Variants in DTWD1 observed in about 807,000 individuals in gnomAD.
DTWD1 encodes the protein tRNA-uridine aminocarboxypropyltransferase 1.
Under a neutral mutation model 30.2 loss-of-function variants are expected in DTWD1, and 27 were observed. That is an observed-to-expected ratio of 0.90 (90% confidence interval 0.66 to 1.23). The LOEUF (loss-of-function observed/expected upper bound fraction) is 1.23. Among genes scored for constraint, DTWD1 ranks in the 50% most tolerant of loss-of-function variants. DTWD1 has a pLI of 0.00. For missense variants in DTWD1, 342 were observed against 348.8 expected (o/e 0.98, Z 0.15); for synonymous variants, 99 against 113.1 (o/e 0.88, Z 0.79).
At chr15:49,622,310 T>C (rs989145564) in intron 1 of DTWD1, among the ~76,000 whole-genome samples, 11 of 152,258 alleles carry the variant, frequency 7.2e-5, no homozygotes, top group South Asian at 6.2e-4. Flanking sequence ...GAACTAATAA[T>C]AAGTACTCAA....
In DTWD1 at chr15:49,646,923, T is replaced by G. The variant is rs750142563; in HGVS notation, c.*3345T>G. ...CTTTTTCTAGGGAAGTCAGGTGTTT[T>G]AGTCTGGATTTAGTTAGAAAAGCAG... On this transcript the variant is annotated 3_prime_UTR_variant, in exon 5 of 5. Coordinates refer to ENST00000403028, the MANE Select transcript of DTWD1 (RefSeq NM_001144955.2). The G allele has an allele frequency of 1.3e-5, 2 of 152,180 alleles. No homozygotes were observed. The highest frequency in any genetic ancestry group is 2.9e-5 in the Non-Finnish European group (2 of 68,026). 9.4% of individuals were successfully genotyped at this position (152,180 alleles called of 1,614,324 possible).
In DTWD1 at chr15:49,651,901, T is replaced by C. The variant is rs2079154428; in HGVS notation, c.*8323T>C. ...CACCACTTGGAATTTGTCAGCTTGA[T>C]AGAACATTGGAACAACCTGCTGAAG... is the stretch of plus-strand genomic sequence containing the variant. On this transcript the variant is annotated 3_prime_UTR_variant, in exon 5 of 5. Coordinates refer to ENST00000403028, the MANE Select transcript of DTWD1 (RefSeq NM_001144955.2). 6.6e-6 allele frequency: 1 copy of C among 152,102 alleles called. No individual in the cohort carries two copies. The highest frequency in any genetic ancestry group is 1.5e-5 in the Non-Finnish European group (1 of 68,010). 9.4% of individuals were successfully genotyped at this position (152,102 alleles called of 1,614,324 possible). A position where few individuals can be genotyped will look rare whatever the true frequency, so the allele number is the denominator to read the frequency against.
Position 49,655,853 on chromosome 15 carries a change from A to G in DTWD1, c.*12275A>G, listed in dbSNP as rs2079174164. ...TACTTCAAGAGTATTCTAGGTATGC[A>G]CTAAGTTTATGGGAAGATATGCCAT... On this transcript the variant is annotated 3_prime_UTR_variant, in exon 5 of 5. Coordinates refer to ENST00000403028, the MANE Select transcript of DTWD1 (RefSeq NM_001144955.2). 2 of 152,062 alleles carry G rather than the reference A, an allele frequency of 1.3e-5. No individual in the cohort carries two copies. The highest frequency in any genetic ancestry group is 4.1e-4 in the South Asian group (2 of 4,830). The allele number at this position is 152,062 out of a possible 1,614,324, so 9.4% of individuals were successfully genotyped here. A position where few individuals can be genotyped will look rare whatever the true frequency, so the allele number is the denominator to read the frequency against.
Position 49,653,444 on chromosome 15 carries a change from G to A in DTWD1, c.*9866G>A, listed in dbSNP as rs2079163658. 1 of 152,130 alleles carries A rather than the reference G, an allele frequency of 6.6e-6. No individual in the cohort carries two copies. Among genetic ancestry groups the A allele is most frequent in the Admixed American group, 6.6e-5 (1 of 15,262 alleles). The allele number at this position is 152,130 out of a possible 1,614,324, so 9.4% of individuals were successfully genotyped here. ...CAGCTAACATCTTGATTTTAGATCA[G>A]TGAGATTTTTGTGTTGGACTTCTAC... On this transcript the variant is annotated 3_prime_UTR_variant, in exon 5 of 5. Transcript: ENST00000403028.
chr15:49,628,818 G>A lies in DTWD1; in HGVS notation c.265-3341G>A, dbSNP rs868582725. 3.3e-5 allele frequency among the ~76,000 whole-genome samples: 5 copies of A among 151,574 alleles called. No individual in the cohort carries two copies. The South Asian group carries it at 6.3e-4, about 19-fold the overall frequency. On this transcript the variant is annotated intron_variant, in intron 2 of 4. Coordinates refer to ENST00000403028, the MANE Select transcript of DTWD1 (RefSeq NM_001144955.2). ...ACGAAGCCTCAGAGCAAATGTTTTT[G>A]TAGCTTGTAAAAAAGCAAATTTTTT...
chr15:49,624,453 A>G (rs1015810558), intron 1 of DTWD1, among the ~76,000 whole-genome samples: 2 of 152,208 alleles, frequency 1.3e-5, no homozygotes, highest in African/African-American at 2.4e-5. Flanking sequence ...ATTTTTCTCT[A>G]GTACTAAAGA....
intron 3 of DTWD1, among the ~76,000 whole-genome samples, chr15:49,633,948 ATATACT>A (rs1381643981): frequency 6.6e-6 from 1 of 152,168 alleles, no homozygotes; most frequent in Admixed American, 6.5e-5. Context: ...ACTGTAATAA[ATATACT>A]TAGATATTGT....
chr15:49,631,925 C>T, intron 2 of DTWD1: 5 of 492,568 alleles, frequency 1.0e-5, no homozygotes, highest in Non-Finnish European at 1.5e-5. Flanking sequence ...AGAAGATTCT[C>T]TGTTAAATGA....
intron 1 of DTWD1, among the ~76,000 whole-genome samples, chr15:49,623,323 A>T (rs1013141387): frequency 1.3e-5 from 2 of 152,214 alleles, no homozygotes; most frequent in African/African-American, 4.8e-5. Flanking sequence ...GGACAAACCC[A>T]AAGAGAGTTT....
chr15:49,632,287 A>G lies in DTWD1; in HGVS notation c.393A>G (p.Glu131=), dbSNP rs772056829. ...IYTYPCIPEY[E]EKDHEVALIF... is the part of the protein sequence containing the mutation. Reference sequence around the variant, plus strand: ...CGTATCCGTGTATTCCAGAATATGAAGAAAAGGACCATGAAGTAGGCAACT... The same window carrying G: ...CGTATCCGTGTATTCCAGAATATGAGGAAAAGGACCATGAAGTAGGCAACT... The change falls in exon 3 of 5, where the codon GAA becomes GAG. Residue 131 remains glutamate (E), a synonymous_variant. Coordinates refer to ENST00000403028, the MANE Select transcript of DTWD1 (RefSeq NM_001144955.2). The G allele has an allele frequency of 2.5e-6, 4 of 1,580,542 alleles. No individual in the cohort carries two copies. Among genetic ancestry groups the G allele is most frequent in the Non-Finnish European group, 2.6e-6 (3 of 1,172,224 alleles).
At chr15:49,633,043 C>CTATCTA (rs1555588572) in intron 3 of DTWD1, among the ~76,000 whole-genome samples, 10 of 129,520 alleles carry the variant, frequency 7.7e-5, no homozygotes, top group South Asian at 2.5e-4. Flanking sequence ...CTATTTATAT[C>CTATCTA]TATATCTATA....
chr15:49,622,015 T>C (rs886434539), intron 1 of DTWD1, among the ~76,000 whole-genome samples: 2 of 152,112 alleles, frequency 1.3e-5, no homozygotes, highest in Non-Finnish European at 2.9e-5. Context: ...CTTTTTGTTA[T>C]TATTTTGGAG....
At chr15:49,623,274 CCTCAAAATGTTT>C (rs2078793046) in intron 1 of DTWD1, among the ~76,000 whole-genome samples, 1 of 152,128 alleles carries the variant, frequency 6.6e-6, no homozygotes, top group African/African-American at 2.4e-5. Context: ...ACTATTAAAG[CCTCAAAATGTTT>C]CTCTGTAAGA....
intron 2 of DTWD1, among the ~76,000 whole-genome samples, chr15:49,627,209 C>G (rs149342881): frequency 6.6e-6 from 1 of 152,270 alleles, no homozygotes; most frequent in African/African-American, 2.4e-5. Context: ...TTGATCATCT[C>G]TCAATGGTCT....
intron 4 of DTWD1, among the ~76,000 whole-genome samples, chr15:49,641,436 A>AT (rs2079063381): frequency 6.6e-6 from 1 of 152,096 alleles, no homozygotes; most frequent in Admixed American, 6.6e-5. Context: ...CTCCTGGTTC[A>AT]CATTGTTATT....
chr15:49,643,578 G>A lies in DTWD1; in HGVS notation c.915G>A (p.Ter305=). Residue 305 remains the stop codon, a stop_retained_variant, in exon 5 of 5, where the codon TAG becomes TAA. Transcript: ENST00000403028. ...AGGAAACAGGAAAACTTACACATTAGTTTTTAACAAGCCACTTATGTCTTT... is the reference window on the plus strand; with the variant it reads ...AGGAAACAGGAAAACTTACACATTAATTTTTAACAAGCCACTTATGTCTTT... The part of the protein sequence containing the change: ...GDKETGKLTH[*] 1.3e-6 allele frequency: 2 copies of A among 1,583,174 alleles called. No homozygotes were observed. The highest frequency in any genetic ancestry group is 1.9e-5 in the Admixed American group (1 of 51,710).
intron 2 of DTWD1, among the ~76,000 whole-genome samples, chr15:49,627,523 G>T (rs2153351590): frequency 6.6e-6 from 1 of 152,194 alleles, no homozygotes; most frequent in Non-Finnish European, 1.5e-5. Flanking sequence ...TGAGTCGTTA[G>T]GCAAATTCAC....
chr15:49,627,519 G>A (rs915138682), intron 2 of DTWD1, among the ~76,000 whole-genome samples: 1 of 152,090 alleles, frequency 6.6e-6, no homozygotes, highest in Non-Finnish European at 1.5e-5. Context: ...GAAATGAGTC[G>A]TTAGGCAAAT....
rs1439353223 is a variant in DTWD1, at chr15:49,652,747, G to A, written c.*9169G>A. The A allele has an allele frequency of 1.3e-5, 2 of 152,126 alleles. No homozygotes were observed. The highest frequency in any genetic ancestry group is 4.8e-5 in the African/African-American group (2 of 41,432). 9.4% of individuals were successfully genotyped at this position (152,126 alleles called of 1,614,324 possible). Reference sequence around the variant, plus strand: ...CTCCCTAAGCATACAGGGAGACATAGATCTATGTGGAGCAAAGGGTGGATT... The same window carrying A: ...CTCCCTAAGCATACAGGGAGACATAAATCTATGTGGAGCAAAGGGTGGATT... On this transcript the variant is annotated 3_prime_UTR_variant, in exon 5 of 5. Coordinates refer to ENST00000403028, the MANE Select transcript of DTWD1 (RefSeq NM_001144955.2).
Sources: gnomAD v4.1 joint callset for allele counts (sites outside exome capture counted in the v4.1 genomes callset) on GRCh38, gnomAD v4.1.1 for gene constraint, MANE v1.5 for transcripts, NCBI Gene and HGNC (gene_info 2026-07-23, HGNC 2026-07-21) for gene names.